TRPM3: variants seen among roughly 807,000 people sequenced by gnomAD.
TRPM3 encodes the protein long transient receptor potential channel 3.
In TRPM3, 77 loss-of-function variants were observed where a neutral mutation model predicts 181.2. The ratio of observed to expected loss-of-function variants is 0.42; its 90% CI spans 0.35 to 0.51. TRPM3 has a LOEUF of 0.51. Among genes scored for constraint, TRPM3 ranks in the 20% least tolerant of loss-of-function variants. The pLI is 0.01. For missense variants in TRPM3, 1,759 were observed against 2,196.7 expected (o/e 0.80, Z 3.98); for synonymous variants, 745 against 796.4 (o/e 0.94, Z 1.09).
intron 5 of TRPM3, among the ~76,000 whole-genome samples, chr9:70,839,624 T>C (rs183218771): frequency 1.4e-4 from 21 of 152,284 alleles, no homozygotes; most frequent in Non-Finnish European, 2.9e-5. Context: ...TGCAATAAAA[T>C]ATCAGGCATA....
chr9:70,686,828 T>C (rs2067069948), intron 8 of TRPM3, among the ~76,000 whole-genome samples: 1 of 98,232 alleles, frequency 1.0e-5, no homozygotes, highest in South Asian at 4.0e-4. Flanking sequence ...TCTTTTTCTT[T>C]TTTTTTTTCT....
rs2048359065 is a variant in TRPM3 at position 70,558,811 on chromosome 9, T to C, written c.3224-5501A>G. ...GCTACATCTATGCAGCAGTGGCAAA[T>C]TAGAAGGGATCAAACATTTGGAGAT... is the stretch of plus-strand genomic sequence containing the variant. On this transcript the variant is annotated intron_variant, in intron 22 of 25. Coordinates refer to ENST00000677713, the MANE Select transcript of TRPM3 (RefSeq NM_001366145.2). Among the ~76,000 whole-genome samples the C allele has an allele frequency of 2.0e-5, 3 of 152,134 alleles. No individual in the cohort carries two copies. In the South Asian group the frequency reaches 6.2e-4, roughly 31 times the overall value.
chr9:71,062,285 C>G (rs1344105723), intron 1 of TRPM3, among the ~76,000 whole-genome samples: 1 of 152,048 alleles, frequency 6.6e-6, no homozygotes, highest in Admixed American at 6.6e-5. Context: ...TCCACCTTCC[C>G]TTTATTAAAA....
chr9:71,267,538 G>A (rs576547749), intron 1 of TRPM3, among the ~76,000 whole-genome samples: 213 of 151,130 alleles, frequency 1.4e-3, no homozygotes, highest in African/African-American at 5.0e-3. Flanking sequence ...CAAAGATTTG[G>A]AAGGCACAAG....
At chr9:71,063,568 T>C (rs1057412238) in intron 1 of TRPM3, among the ~76,000 whole-genome samples, 3 of 151,994 alleles carry the variant, frequency 2.0e-5, no homozygotes, top group Non-Finnish European at 4.4e-5. Context: ...TACTGAAAGA[T>C]GAGGATTGGA....
intron 1 of TRPM3, among the ~76,000 whole-genome samples, chr9:71,034,999 T>C (rs1202926672): frequency 6.6e-6 from 1 of 152,196 alleles, no homozygotes; most frequent in Admixed American, 6.5e-5. Flanking sequence ...TAACACTGTT[T>C]CCTCGAGCTT....
At chr9:70,855,392 T>C (rs2095360432) in intron 3 of TRPM3, among the ~76,000 whole-genome samples, 1 of 152,242 alleles carries the variant, frequency 6.6e-6, no homozygotes, top group Non-Finnish European at 1.5e-5. Context: ...CAGTCACCTC[T>C]TTAGGGCTAA....
chr9:71,207,335 T>A (rs886214986), intron 1 of TRPM3, among the ~76,000 whole-genome samples: 4 of 152,172 alleles, frequency 2.6e-5, no homozygotes, highest in Admixed American at 6.5e-5. Flanking sequence ...AATTTTTTCA[T>A]AAAAGTTATT....
intron 1 of TRPM3, among the ~76,000 whole-genome samples, chr9:70,938,965 A>C (rs564903185): frequency 2.6e-4 from 39 of 152,014 alleles, no homozygotes; most frequent in African/African-American, 9.4e-4. Context: ...CTCAAAAAAA[A>C]AAATAAAAAT....
intron 5 of TRPM3, among the ~76,000 whole-genome samples, chr9:70,829,696 A>G (rs1289917659): frequency 1.3e-5 from 2 of 152,184 alleles, no homozygotes; most frequent in Non-Finnish European, 2.9e-5. Context: ...AAAGAAGTCT[A>G]TAACTTTTTG....
chr9:71,011,387 A>G (rs1174923712), intron 1 of TRPM3, among the ~76,000 whole-genome samples: 1 of 152,230 alleles, frequency 6.6e-6, no homozygotes, highest in African/African-American at 2.4e-5. Flanking sequence ...ATGCATTGAA[A>G]AAGCACACTG....
chr9:71,233,026 C>T (rs2081160555), intron 1 of TRPM3, among the ~76,000 whole-genome samples: 1 of 152,068 alleles, frequency 6.6e-6, no homozygotes, highest in African/African-American at 2.4e-5. Context: ...TGCTTCAAGC[C>T]CCCGACTTCT....
chr9:71,242,539 T>C (rs1198827285), intron 1 of TRPM3, among the ~76,000 whole-genome samples: 1 of 152,244 alleles, frequency 6.6e-6, no homozygotes, highest in Non-Finnish European at 1.5e-5. Context: ...AGTATTCAAT[T>C]AGAACTTGGC....
intron 1 of TRPM3, among the ~76,000 whole-genome samples, chr9:70,956,167 G>A (rs1331369195): frequency 2.0e-5 from 3 of 152,118 alleles, no homozygotes; most frequent in Non-Finnish European, 4.4e-5. Flanking sequence ...AATTGGGCAT[G>A]TTGGGCGTAA....
intron 1 of TRPM3, among the ~76,000 whole-genome samples, chr9:70,916,733 G>C (rs2096598752): frequency 6.6e-6 from 1 of 152,052 alleles, no homozygotes; most frequent in Non-Finnish European, 1.5e-5. Context: ...GCCATAAATA[G>C]GAAATAAGAA....
rs147059989 is a variant in TRPM3 at position 70,997,324 on chromosome 9, T to A, written c.177+123854A>T. On this transcript the variant is annotated intron_variant, in intron 1 of 25. Transcript: ENST00000677713. ...CGCTATTCTGCCTCAGCCTCCTGAG[T>A]AGCTGGGACTACAGGCTCCCGCCAC... Among the ~76,000 whole-genome samples the A allele has an allele frequency of 9.1e-3, 1,391 of 152,216 alleles. 23 individuals are homozygous for A. Among genetic ancestry groups the A allele is most frequent in the African/African-American group, 0.03 (1,247 of 41,538 alleles).
intron 1 of TRPM3, among the ~76,000 whole-genome samples, chr9:71,356,581 TG>T (rs2091906860): frequency 6.6e-6 from 1 of 152,118 alleles, no homozygotes; most frequent in African/African-American, 2.4e-5. Flanking sequence ...ACTGTAAAAA[TG>T]GGGATAATAA....
chr9:71,421,915 T>C (rs927094747), intron 1 of TRPM3, among the ~76,000 whole-genome samples: 3 of 151,986 alleles, frequency 2.0e-5, no homozygotes, highest in African/African-American at 7.2e-5. Flanking sequence ...CATGACTAAG[T>C]TTATCTTCCC....
At chr9:71,263,963 T>G (rs2083224493) in intron 1 of TRPM3, among the ~76,000 whole-genome samples, 1 of 152,136 alleles carries the variant, frequency 6.6e-6, no homozygotes. Flanking sequence ...TTAAAATTTC[T>G]TGTAGAGACA....
Sources: gnomAD v4.1 joint callset for allele counts (sites outside exome capture counted in the v4.1 genomes callset) on GRCh38, gnomAD v4.1.1 for gene constraint, MANE v1.5 for transcripts, NCBI Gene and HGNC (gene_info 2026-07-23, HGNC 2026-07-21) for gene names.